The following ETFB variants were observed in gnomAD, a reference collection of about 807,000 sequenced individuals.
The protein encoded by ETFB is beta-ETF.
In ETFB, 20 loss-of-function variants were observed where a neutral mutation model predicts 25.6. The observed-to-expected ratio is 0.78, with a 90% confidence interval of 0.55 to 1.14. The LOEUF (loss-of-function observed/expected upper bound fraction) is 1.14. Ranked by LOEUF, ETFB falls within the 50% of genes most tolerant of loss-of-function variation. The pLI is 0.00. For synonymous variants in ETFB, 142 were observed against 146.7 expected, an observed-to-expected ratio of 0.97 and a Z score of 0.23; for missense variants, 286 against 342.6, an observed-to-expected ratio of 0.83 and a Z score of 1.30.
intron 4 of ETFB, among the ~76,000 whole-genome samples, chr19:51,349,808 C>T (rs1974822): frequency 6.6e-6 from 1 of 151,920 alleles, no homozygotes; most frequent in East Asian, 1.9e-4. Flanking sequence ...AGTGCAGTGG[C>T]GTGCGATCTT....
intron 1 of ETFB, among the ~76,000 whole-genome samples, chr19:51,360,206 A>C (rs1197251429): frequency 2.6e-5 from 4 of 152,094 alleles, no homozygotes; most frequent in African/African-American, 9.7e-5. Context: ...GTTCGAGACC[A>C]GCCTGGCCAA....
In ETFB at chr19:51,366,315, C is replaced by T; in HGVS notation, c.12G>A (p.Leu4=). The T allele has an allele frequency of 1.9e-6, 3 of 1,612,684 alleles. No individual in the cohort carries two copies. The highest frequency in any genetic ancestry group is 2.5e-6 in the Non-Finnish European group (3 of 1,179,798). ...CCCTCTTGACAGCTACGAGCACGCG[C>T]AGCTCCGCCATCTTCCCGCCGCAGC... is the stretch of plus-strand genomic sequence containing the variant. MAE[L]RVLVAVKRVI... Residue 4 remains leucine (L), a synonymous_variant, in exon 1 of 6, where the codon CTG becomes CTA. Coordinates refer to ENST00000309244, the MANE Select transcript of ETFB (RefSeq NM_001985.3).
intron 2 of ETFB, 71 bp from the exon 3 acceptor site, chr19:51,353,361 T>C: frequency 1.3e-6 from 2 of 1,559,198 alleles, no homozygotes; most frequent in Non-Finnish European, 1.8e-6. Context: ...TCGCAGCCCC[T>C]CCTTCCTCAG....
chr19:51,353,286 G>A lies in ETFB; in HGVS notation c.221C>T (p.Thr74Met), dbSNP rs1286614299. The change falls in exon 3 of 6, where the codon ACG (threonine) becomes ATG (methionine). Residue 74 changes from threonine (T) to methionine (M), a missense_variant. Transcript: ENST00000309244. ...ACCCATGGCCAGGGCGGTACGAATC[G>A]TCTCCTGCCAAGGACAGAGGGGCTT... is the stretch of plus-strand genomic sequence containing the variant. ...VSCGPAQCQE[T>M]IRTALAMGAD... 12 of 1,613,940 alleles carry A rather than the reference G, an allele frequency of 7.4e-6. No homozygotes were observed. The highest frequency in any genetic ancestry group is 2.2e-5 in the East Asian group (1 of 44,880).
chr19:51,345,441 C>T, intron 5 of ETFB, 60 bp from the exon 6 acceptor site: 3 of 1,561,610 alleles, frequency 1.9e-6, no homozygotes, highest in East Asian at 2.3e-5. Context: ...TTCCTGCCAC[C>T]TCCTTCCCAT....
Position 51,345,288 on chromosome 19 carries a change from G to A in ETFB, c.691C>T (p.Pro231Ser). Residue 231 changes from proline (P) to serine (S), a missense_variant, in exon 6 of 6, where the codon CCC becomes TCC. Physicochemically the swap from Pro to Ser is moderately conservative, Grantham distance 74. Coordinates refer to ENST00000309244, the MANE Select transcript of ETFB (RefSeq NM_001985.3). The stretch of plus-strand genomic sequence containing the variant: ...ACCTTGACGCCGGCCGTGCGCTGGG[G>A]CGGGTCCTCCACACTGATCACAGAG... Reference protein sequence around the residue: ...KLSVISVEDPPQRTAGVKVET... With the variant: ...KLSVISVEDPSQRTAGVKVET... 2 of 1,614,148 alleles carry A rather than the reference G, an allele frequency of 1.2e-6. No homozygotes were observed. The highest frequency in any genetic ancestry group is 1.7e-6 in the Non-Finnish European group (2 of 1,180,022).
chr19:51,354,437 G>C, intron 1 of ETFB, 129 bp from the exon 2 acceptor site: 1 of 1,613,852 alleles, frequency 6.2e-7, no homozygotes, highest in African/African-American at 1.3e-5. Flanking sequence ...CCTTGTCCGG[G>C]GTCACACAGC....
chr19:51,364,761 CA>C (rs1290538867), intron 1 of ETFB, among the ~76,000 whole-genome samples: 9 of 152,218 alleles, frequency 5.9e-5, no homozygotes, highest in African/African-American at 2.2e-4. Flanking sequence ...ATCATTAGGA[CA>C]GGGGGCATTG....
chr19:51,363,733 G>A (rs1986284603), intron 1 of ETFB, among the ~76,000 whole-genome samples: 1 of 152,146 alleles, frequency 6.6e-6, no homozygotes, highest in Admixed American at 6.6e-5. Flanking sequence ...AGAGGTGTGA[G>A]CCACCGCGCC....
chr19:51,357,770 C>T (rs956415877), intron 1 of ETFB, among the ~76,000 whole-genome samples: 1 of 152,092 alleles, frequency 6.6e-6, no homozygotes, highest in African/African-American at 2.4e-5. Flanking sequence ...GGATTACAGG[C>T]GTGAGCCACC....
rs1381591095 is a variant in ETFB, at chr19:51,360,806, TAC to T, written c.57+5462_57+5463del. On this transcript the variant is annotated intron_variant, in intron 1 of 5. Transcript: ENST00000309244. ...TCTCTCTCTTTCTCTTTCTTTTTGA[TAC>T]AGAGTCTTGTTCTGTTGCCCAGGCT... Among the ~76,000 whole-genome samples the T allele has an allele frequency of 2.6e-5, 4 of 152,032 alleles. No individual in the cohort carries two copies. The East Asian group carries it at 7.7e-4, about 29-fold the overall frequency.
intron 5 of ETFB, chr19:51,346,419 T>A (rs1985784645): frequency 6.2e-6 from 1 of 160,634 alleles, no homozygotes; most frequent in Admixed American, 6.6e-5. Context: ...CCCACTAAAC[T>A]GTTAATATTG....
chr19:51,351,431 T>A (rs1325151238), intron 3 of ETFB, among the ~76,000 whole-genome samples: 1 of 152,224 alleles, frequency 6.6e-6, no homozygotes, highest in Non-Finnish European at 1.5e-5. Context: ...TTAAGCCAGT[T>A]TGAGTTGTGA....
chr19:51,366,145 G>A (rs1343148604), intron 1 of ETFB, 125 bp downstream of exon 1: 4 of 956,170 alleles, frequency 4.2e-6, no homozygotes, highest in Non-Finnish European at 6.7e-6. Flanking sequence ...AGGTGACTTT[G>A]ACGTTTGGGG....
At chr19:51,366,197 C>T in intron 1 of ETFB, 73 bp downstream of exon 1, 1 of 1,446,832 alleles carries the variant, frequency 6.9e-7, no homozygotes, top group Admixed American at 1.7e-5. Context: ...AGACCCCCAC[C>T]CAGTGTGCGC....
rs1349874866 is a variant in ETFB, at chr19:51,345,390, G to A, written c.598-9C>T. On this transcript the variant is annotated splice_polypyrimidine_tract_variant and intron_variant, in intron 5 of 5. Transcript: ENST00000309244. ...TTCTTCTTCTTGGCTTTCTGCACAT[G>A]GGAAGCCATTGTTCACAGGGCTGTG... is the stretch of plus-strand genomic sequence containing the variant. The A allele has an allele frequency of 6.8e-6, 11 of 1,613,644 alleles. No individual in the cohort carries two copies. Among genetic ancestry groups the A allele is most frequent in the Non-Finnish European group, 6.8e-6 (8 of 1,179,754 alleles).
chr19:51,347,494 T>C, intron 4 of ETFB: 1 of 197,004 alleles, frequency 5.1e-6, no homozygotes, highest in Non-Finnish European at 1.1e-5. Context: ...ATCCAAAAGC[T>C]GACAATCTGG....
chr19:51,345,349 C>T lies in ETFB; in HGVS notation c.630G>A (p.Lys210=). The change falls in exon 6 of 6, where the codon AAG becomes AAA. Residue 210 remains lysine, a synonymous_variant. Coordinates refer to ENST00000309244, the MANE Select transcript of ETFB (RefSeq NM_001985.3). ...KAKKKKIEVI[K]PGDLGVDLTS... is the part of the protein sequence containing the mutation. ...TCAGGTCCACACCCAGGTCCCCAGG[C>T]TTGATCACCTCGATCTTCTTCTTCT... 6.2e-7 allele frequency: 1 copy of T among 1,614,136 alleles called. No individual in the cohort carries two copies. Among genetic ancestry groups the T allele is most frequent in the Non-Finnish European group, 8.5e-7 (1 of 1,180,024 alleles).
chr19:51,345,593 G>A lies in ETFB; in HGVS notation c.598-212C>T, dbSNP rs1985754608. On this transcript the variant is annotated intron_variant, in intron 5 of 5. Transcript: ENST00000309244. ...GGAGGCCCTGGGAGGCCCAACTACT[G>A]CAGCAGTCCTCCTTTAGGTAACCAA... is the stretch of plus-strand genomic sequence containing the variant. The A allele has an allele frequency of 9.9e-6, 6 of 604,744 alleles. No individual in the cohort carries two copies. The East Asian group carries it at 1.7e-4, about 17-fold the overall frequency. 37.5% of individuals were successfully genotyped at this position (604,744 alleles called of 1,614,324 possible). A position where few individuals can be genotyped will look rare whatever the true frequency, so the allele number is the denominator to read the frequency against.
Sources: gnomAD v4.1 joint callset for allele counts (sites outside exome capture counted in the v4.1 genomes callset) on GRCh38, gnomAD v4.1.1 for gene constraint, MANE v1.5 for transcripts, NCBI Gene and HGNC (gene_info 2026-07-23, HGNC 2026-07-21) for gene names.